Variants in DCST2 observed in about 807,000 individuals in gnomAD.
DCST2 encodes DC-STAMP domain-containing protein 2.
In DCST2, 64 loss-of-function variants were observed where a neutral mutation model predicts 81.8. That is an observed-to-expected ratio of 0.78 (90% CI 0.64 to 0.96). The LOEUF (loss-of-function observed/expected upper bound fraction) is 0.96, where lower values mean the gene tolerates loss of function less well. Among genes scored for constraint, DCST2 ranks in the 40% least tolerant of loss-of-function variants. The pLI is 0.00. For missense variants in DCST2, 945 were observed against 1,001.4 expected, an observed-to-expected ratio of 0.94 and a Z score of 0.76; for synonymous variants, 354 against 402.6, an observed-to-expected ratio of 0.88 and a Z score of 1.44.
rs79360486 is a variant in DCST2 at position 155,026,876 on chromosome 1, G to A, written c.1343-161C>T. On this transcript the variant is annotated intron_variant, in intron 8 of 14. Coordinates refer to ENST00000368424, the MANE Select transcript of DCST2 (RefSeq NM_144622.3). ...TCAGGCACCCTCATGGTGCCCTGGG[G>A]CCTGACCTCAGTTCTGGCTCCTAGG... 3,533 of 802,186 alleles carry A rather than the reference G, an allele frequency of 4.4e-3. 98 individuals are homozygous for A. The East Asian group carries it at 0.063, about 14-fold the overall frequency. The allele number at this position is 802,186 out of a possible 1,614,324, so 49.7% of individuals were successfully genotyped here. A position where few individuals can be genotyped will look rare whatever the true frequency, so the allele number is the denominator to read the frequency against.
intron 14 of DCST2, 26 bp from the exon 15 acceptor site, chr1:155,018,786 C>T (rs985067410): frequency 5.0e-6 from 8 of 1,602,172 alleles, no homozygotes; most frequent in East Asian, 2.2e-5. Flanking sequence ...AGGGGGTGGC[C>T]GGATCACCCA....
chr1:155,023,680 C>A (rs1184214982), intron 12 of DCST2, 152 bp downstream of exon 12: 3 of 1,559,702 alleles, frequency 1.9e-6, no homozygotes, highest in African/African-American at 2.7e-5. Context: ...TACCTGAAGG[C>A]TCTGTGTAAA....
At chr1:155,031,868 GC>G (rs1156343017) in intron 3 of DCST2, 97 bp from the exon 4 acceptor site, 15 of 1,312,462 alleles carry the variant, frequency 1.1e-5, no homozygotes, top group Non-Finnish European at 1.6e-5. Flanking sequence ...GGCTGGAGAG[GC>G]CTGTGGTCAG....
Position 155,033,273 on chromosome 1 carries a change from G to C in DCST2, c.269-9C>G. The C allele has an allele frequency of 6.2e-6, 10 of 1,604,812 alleles. No individual in the cohort carries two copies. Among genetic ancestry groups the C allele is most frequent in the Non-Finnish European group, 8.5e-6 (10 of 1,176,344 alleles). ...TAGTGTCCGGCCCTGCCCTGGGGGC[G>C]ACAGCTTTGTTAGAACCAAGACCCC... On this transcript the variant is annotated splice_polypyrimidine_tract_variant and intron_variant, in intron 1 of 14. Coordinates refer to ENST00000368424, the MANE Select transcript of DCST2 (RefSeq NM_144622.3).
chr1:155,027,905 A>ATTTAT lies in DCST2; in HGVS notation c.1343-1195_1343-1191dup, dbSNP rs369507427. On this transcript the variant is annotated intron_variant, in intron 8 of 14. Coordinates refer to ENST00000368424, the MANE Select transcript of DCST2 (RefSeq NM_144622.3). Reference sequence around the variant, plus strand: ...GCTTACCAGGCACTCGACACACATAATTTATTTTATTTTATTTTATTTTAT... The same window carrying ATTTAT: ...GCTTACCAGGCACTCGACACACATAATTTATTTTATTTTATTTTATTTTATTTTAT... Among the ~76,000 whole-genome samples the ATTTAT allele has an allele frequency of 4.3e-4, 64 of 149,618 alleles. 3 individuals carry two copies. In the South Asian group the frequency reaches 5.7e-3, roughly 13 times the overall value.
intron 10 of DCST2, 71 bp from the exon 11 acceptor site, chr1:155,024,673 C>A: frequency 6.9e-7 from 1 of 1,457,476 alleles, no homozygotes; most frequent in East Asian, 2.5e-5. Flanking sequence ...CCTCTGCACC[C>A]ACTACCTACC....
In DCST2 at chr1:155,031,168, C is replaced by A; in HGVS notation, c.805+1G>T. 1 of 1,588,980 alleles carries A rather than the reference C, an allele frequency of 6.3e-7. No individual in the cohort carries two copies. Among genetic ancestry groups the A allele is most frequent in the East Asian group, 2.2e-5 (1 of 44,512 alleles). Reference sequence around the variant, plus strand: ...ATATGTGGCAGGAGGGGGTCACTCACGGGTGCCGATGGTCTGGCGCAAGAA... The same window carrying A: ...ATATGTGGCAGGAGGGGGTCACTCAAGGGTGCCGATGGTCTGGCGCAAGAA... On this transcript the variant is annotated splice_donor_variant, in intron 5 of 14. Coordinates refer to ENST00000368424, the MANE Select transcript of DCST2 (RefSeq NM_144622.3). LOFTEE classifies it high-confidence loss of function.
At chr1:155,033,025 T>C (rs1251469338) in intron 2 of DCST2, 69 bp downstream of exon 2, 9 of 1,453,536 alleles carry the variant, frequency 6.2e-6, no homozygotes, top group Non-Finnish European at 8.2e-6. Context: ...GCCAAAGGAC[T>C]GTAGAACATG....
chr1:155,030,204 G>C lies in DCST2; in HGVS notation c.1057C>G (p.His353Asp). The C allele has an allele frequency of 6.2e-7, 1 of 1,614,152 alleles. No individual in the cohort carries two copies. Among genetic ancestry groups the C allele is most frequent in the Non-Finnish European group, 8.5e-7 (1 of 1,180,026 alleles). The change falls in exon 7 of 15, where the codon CAT (histidine) becomes GAT (aspartate). Residue 353 changes from histidine to aspartate, a missense_variant. Coordinates refer to ENST00000368424, the MANE Select transcript of DCST2 (RefSeq NM_144622.3). The part of the protein sequence containing the change: ...FYRYCYLNWD[H>D]YDNIYITSRF... Reference sequence around the variant, plus strand: ...CTAGTGATGTAGATATTGTCATAATGGTCCCAGTTCAGGTAACAATACCGG... The same window carrying C: ...CTAGTGATGTAGATATTGTCATAATCGTCCCAGTTCAGGTAACAATACCGG...
rs745920027 is a variant in DCST2 at position 155,024,602 on chromosome 1, C to T, written c.1612G>A (p.Glu538Lys). The T allele has an allele frequency of 6.9e-6, 11 of 1,596,406 alleles. 1 individual carries two copies. In the South Asian group the frequency reaches 8.0e-5, roughly 12 times the overall value. Residue 538 changes from glutamate to lysine, a missense_variant and splice_region_variant, in exon 11 of 15, where the codon GAG becomes AAG. Transcript: ENST00000368424. ...ACATTGTACAGGTAGGAGATCCTCTCCTGGTGCGGGGAGATCAGGGATGGG... is the reference window on the plus strand; with the variant it reads ...ACATTGTACAGGTAGGAGATCCTCTTCTGGTGCGGGGAGATCAGGGATGGG... ...CASYYPSREQ[E>K]RISYLYNVLL...
Position 155,032,827 on chromosome 1 carries a change from C to T in DCST2, c.440-59G>A, listed in dbSNP as rs1660138010. On this transcript the variant is annotated intron_variant, in intron 2 of 14. Coordinates refer to ENST00000368424, the MANE Select transcript of DCST2 (RefSeq NM_144622.3). ...TTCTCCTCTAGGGGCTGGTTCTCAC[C>T]ATTGCCCCTTAAGCAGGGAGTAGAG... is the stretch of plus-strand genomic sequence containing the variant. 4 of 1,480,042 alleles carry T rather than the reference C, an allele frequency of 2.7e-6. No individual in the cohort carries two copies. In the African/African-American group the frequency reaches 4.2e-5, roughly 15 times the overall value. The allele number at this position is 1,480,042 out of a possible 1,614,324, so 91.7% of individuals were successfully genotyped here.
chr1:155,029,115 C>T, intron 8 of DCST2, 118 bp downstream of exon 8: 1 of 1,216,136 alleles, frequency 8.2e-7, no homozygotes, highest in South Asian at 1.4e-5. Flanking sequence ...GACATTCAGG[C>T]AGTCACCAGG....
rs745542659 is a variant in DCST2, at chr1:155,026,421, C to T, written c.1511-19G>A. 1.2e-6 allele frequency: 2 copies of T among 1,613,590 alleles called. No homozygotes were observed. The highest frequency in any genetic ancestry group is 1.3e-5 in the African/African-American group (1 of 74,918). ...ATGACGCCTGGGAGCACAGCAGCCACAGTCAGCCTCACCAGCAGGCACAAG... is the reference window on the plus strand; with the variant it reads ...ATGACGCCTGGGAGCACAGCAGCCATAGTCAGCCTCACCAGCAGGCACAAG... On this transcript the variant is annotated intron_variant, in intron 9 of 14. Transcript: ENST00000368424.
In DCST2 at chr1:155,033,514, G is replaced by T. The variant is rs1227671175; in HGVS notation, c.188C>A (p.Ala63Asp). The change falls in exon 1 of 15, where the codon GCT (alanine) becomes GAT (aspartate). Residue 63 changes from alanine (A) to aspartate (D), a missense_variant. Transcript: ENST00000368424. ...WGCLVGTLTLAAFLSLGMGFS... is the reference protein window; with the variant it reads ...WGCLVGTLTLDAFLSLGMGFS... ...TCCCATGCCCAGGCTAAGGAAGGCA[G>T]CCAAAGTGAGGGTGCCCACCAGGCA... 3 of 1,614,062 alleles carry T rather than the reference G, an allele frequency of 1.9e-6. No individual in the cohort carries two copies.
chr1:155,031,256 G>A (rs369221561), intron 4 of DCST2, 22 bp from the exon 5 acceptor site: 258 of 1,554,300 alleles, frequency 1.7e-4, no homozygotes, highest in Non-Finnish European at 2.1e-4. Context: ...AGTCGGCTGA[G>A]TGTCGGAAGG....
intron 8 of DCST2, among the ~76,000 whole-genome samples, chr1:155,027,994 G>A (rs925734050): frequency 3.8e-4 from 57 of 151,230 alleles, no homozygotes; most frequent in Admixed American, 3.3e-3. Flanking sequence ...GCAGGATCTC[G>A]GCTCACTGCA....
At chr1:155,027,736 T>C (rs12752023) in intron 8 of DCST2, among the ~76,000 whole-genome samples, 1 of 148,656 alleles carries the variant, frequency 6.7e-6, no homozygotes, top group Non-Finnish European at 1.5e-5. Context: ...CATTTTTTTG[T>C]ATTTTTAGTA....
At chr1:155,029,475 C>A in intron 7 of DCST2, 78 bp from the exon 8 acceptor site, 2 of 1,448,442 alleles carry the variant, frequency 1.4e-6, no homozygotes, top group South Asian at 2.5e-5. Context: ...GAGAGGCCTC[C>A]TGCCCCTAAT....
At chr1:155,031,417 A>G (rs1456671482) in intron 4 of DCST2, among the ~76,000 whole-genome samples, 157 bp downstream of exon 4, 1 of 69,360 alleles carries the variant, frequency 1.4e-5, no homozygotes, top group South Asian at 5.1e-4. Context: ...CCTACTGCCC[A>G]CCCCCACCCC....
Sources: gnomAD v4.1 joint callset for allele counts (sites outside exome capture counted in the v4.1 genomes callset) on GRCh38, gnomAD v4.1.1 for gene constraint, MANE v1.5 for transcripts, NCBI Gene and HGNC (gene_info 2026-07-23, HGNC 2026-07-21) for gene names.